The following RPGRIP1 variants were observed in gnomAD, a reference collection of about 807,000 sequenced individuals.
RPGRIP1 encodes the protein RPGR interacting protein 1, also known as X-linked retinitis pigmentosa GTPase regulator-interacting protein 1.
In RPGRIP1, 128 loss-of-function variants were observed where a neutral mutation model predicts 157.9. That is an observed-to-expected ratio of 0.81 (90% CI 0.70 to 0.94). The LOEUF (loss-of-function observed/expected upper bound fraction) is 0.94, where lower values mean the gene tolerates loss of function less well. Ranked by LOEUF, RPGRIP1 falls within the 40% of genes least tolerant of loss-of-function variation. The pLI, the probability that RPGRIP1 is intolerant of heterozygous loss-of-function variation, is 0.00. For missense variants in RPGRIP1, 1,486 were observed against 1,545.8 expected, an observed-to-expected ratio of 0.96 and a Z score of 0.65; for synonymous variants, 554 against 571.6, an observed-to-expected ratio of 0.97 and a Z score of 0.44.
At chr14:21,303,310 A>G (rs774254647) in intron 5 of RPGRIP1, 21 bp from the exon 6 acceptor site, 23 of 1,569,368 alleles carry the variant, frequency 1.5e-5, no homozygotes, top group East Asian at 1.1e-4. Context: ...AACAGTTTCT[A>G]AGTATCCTTT....
rs201152775 is a variant in RPGRIP1, at chr14:21,288,073, G to A, written c.85+12G>A. The stretch of plus-strand genomic sequence containing the variant: ...ACCAGCCTCAAAAGGTAACTTCTAC[G>A]CCTGAGGATGGACACCTTTTAGAAT... On this transcript the variant is annotated intron_variant, in intron 2 of 24. Transcript: ENST00000400017. 142 of 1,556,090 alleles carry A rather than the reference G, an allele frequency of 9.1e-5. No individual in the cohort carries two copies. Among genetic ancestry groups the A allele is most frequent in the African/African-American group, 3.5e-4 (26 of 73,894 alleles).
At position 21,294,814 on chromosome 14, in the gene RPGRIP1, T is replaced by G; in HGVS notation, c.218+5T>G. 1.3e-6 allele frequency: 2 copies of G among 1,482,436 alleles called. No individual in the cohort carries two copies. The allele number at this position is 1,482,436 out of a possible 1,614,324, so 91.8% of individuals were successfully genotyped here. On this transcript the variant is annotated splice_donor_5th_base_variant and intron_variant, in intron 3 of 24. Transcript: ENST00000400017. ...GCAACAGGATGAGATCAAAAGGTAC[T>G]TAGAGTTCTCCTTAAATTTTTTTTT...
At position 21,303,544 on chromosome 14, in the gene RPGRIP1, G is replaced by A. The variant is rs376500610; in HGVS notation, c.800+1G>A. The A allele has an allele frequency of 2.2e-5, 35 of 1,611,518 alleles. No individual in the cohort carries two copies. Among genetic ancestry groups the A allele is most frequent in the Non-Finnish European group, 2.7e-5 (32 of 1,178,232 alleles). ...GTGCTCAGAAGGCTGCAGAGCTTCG[G>A]TAAGAGTGTGGCACTCCATGCCTCA... On this transcript the variant is annotated splice_donor_variant, in intron 6 of 24. Transcript: ENST00000400017. LOFTEE classifies it high-confidence loss of function.
intron 3 of RPGRIP1, among the ~76,000 whole-genome samples, chr14:21,298,884 G>A (rs1010114897): frequency 6.9e-6 from 1 of 145,778 alleles, no homozygotes; most frequent in Non-Finnish European, 1.5e-5. Flanking sequence ...AGGCTCTAGT[G>A]AGCAGAGATC....
intron 2 of RPGRIP1, among the ~76,000 whole-genome samples, chr14:21,289,046 G>A (rs531876082): frequency 6.6e-6 from 1 of 152,194 alleles, no homozygotes; most frequent in Non-Finnish European, 1.5e-5. Context: ...ATATCTTTAG[G>A]GCTGGGCGCA....
chr14:21,312,692 CT>C lies in RPGRIP1; in HGVS notation c.1151+200del, dbSNP rs202128771. 0.047 allele frequency among the ~76,000 whole-genome samples: 6,702 copies of C among 142,710 alleles called. 279 individuals carry two copies. Among genetic ancestry groups the C allele is most frequent in the East Asian group, 0.26 (1,306 of 4,960 alleles). 93.6% of individuals were successfully genotyped at this position (142,710 alleles called of 152,430 possible). ...TTAAAATGTTAAATGTGCATATCCT[CT>C]TTTTTTTTTTTTTGAGATGGAGTCT... On this transcript the variant is annotated intron_variant, in intron 10 of 24. Coordinates refer to ENST00000400017, the MANE Select transcript of RPGRIP1 (RefSeq NM_020366.4).
intron 23 of RPGRIP1, among the ~76,000 whole-genome samples, chr14:21,346,247 A>T (rs1418856196): frequency 9.2e-5 from 14 of 151,846 alleles, no homozygotes; most frequent in African/African-American, 2.9e-4. Context: ...AATGTGGGAC[A>T]TACCCAAAAA....
intron 19 of RPGRIP1, among the ~76,000 whole-genome samples, chr14:21,329,164 A>T (rs1015698332): frequency 6.0e-5 from 9 of 151,070 alleles, no homozygotes; most frequent in Non-Finnish European, 1.2e-4. Context: ...AAAAAAAAAA[A>T]ATTAGCCAGG....
chr14:21,327,446 C>A (rs921807088), intron 17 of RPGRIP1, among the ~76,000 whole-genome samples, 177 bp from the exon 18 acceptor site: 6 of 152,132 alleles, frequency 3.9e-5, no homozygotes, highest in Non-Finnish European at 8.8e-5. Flanking sequence ...TCTAACTGCA[C>A]TGCTGTTTGA....
intron 16 of RPGRIP1, chr14:21,325,623 T>G: frequency 1.6e-6 from 1 of 631,224 alleles, no homozygotes; most frequent in Non-Finnish European, 2.7e-6. Context: ...TCTGTGCCAT[T>G]CTCTAAGTTA....
chr14:21,308,766 C>T (rs1048171607), intron 7 of RPGRIP1, among the ~76,000 whole-genome samples: 1 of 152,114 alleles, frequency 6.6e-6, no homozygotes. Flanking sequence ...ACCTCATGTG[C>T]CGGGAAAAGT....
At position 21,321,255 on chromosome 14, in the gene RPGRIP1, A is replaced by G; in HGVS notation, c.1468-4A>G. The stretch of plus-strand genomic sequence containing the variant: ...CCCTTTTACCAATGCGTTTCCCTCT[A>G]CAGCCAAGTGAACCCAAAAACCAAG... On this transcript the variant is annotated splice_region_variant and splice_polypyrimidine_tract_variant and intron_variant, in intron 12 of 24. Coordinates refer to ENST00000400017, the MANE Select transcript of RPGRIP1 (RefSeq NM_020366.4). 2 of 1,611,528 alleles carry G rather than the reference A, an allele frequency of 1.2e-6. No homozygotes were observed. The highest frequency in any genetic ancestry group is 1.7e-6 in the Non-Finnish European group (2 of 1,179,152).
Position 21,310,586 on chromosome 14 carries a change from A to T in RPGRIP1, c.909A>T (p.Ala303=). 1 of 1,432,648 alleles carries T rather than the reference A, an allele frequency of 7.0e-7. No homozygotes were observed. Among genetic ancestry groups the T allele is most frequent in the Non-Finnish European group, 9.5e-7 (1 of 1,056,444 alleles). The allele number at this position is 1,432,648 out of a possible 1,614,324, so 88.7% of individuals were successfully genotyped here. The part of the protein sequence containing the change: ...TKAQLTEVQE[A]YETLLQKNQG... ...TAATAATAATTTCTTTCTTCCAGGC[A>T]TACGAAACCTTGCTCCAGAAGGTAC... The change falls in exon 8 of 25, where the codon GCA becomes GCT. Residue 303 remains alanine (A), a splice_region_variant and synonymous_variant. Transcript: ENST00000400017.
intron 2 of RPGRIP1, among the ~76,000 whole-genome samples, chr14:21,293,756 A>C (rs1594374407): frequency 6.6e-6 from 1 of 152,202 alleles, no homozygotes; most frequent in South Asian, 2.1e-4. Flanking sequence ...GCTGGCGCCT[A>C]TAGTCCCAGG....
chr14:21,281,405 T>C (rs1190899556), intron 1 of RPGRIP1, among the ~76,000 whole-genome samples: 3 of 151,462 alleles, frequency 2.0e-5, no homozygotes, highest in African/African-American at 7.3e-5. Context: ...AATCTACTCT[T>C]GGCCCAGGCG....
chr14:21,280,383 T>C (rs1212025924), intron 1 of RPGRIP1, among the ~76,000 whole-genome samples: 1 of 151,432 alleles, frequency 6.6e-6, no homozygotes, highest in Non-Finnish European at 1.5e-5. Context: ...AGCTGGGGAC[T>C]ACAGGCATGC....
rs192003551 is a variant in RPGRIP1 at position 21,294,745 on chromosome 14, C to T, written c.154C>T (p.Arg52Ter). 15 of 1,610,394 alleles carry T rather than the reference C, an allele frequency of 9.3e-6. No individual in the cohort carries two copies. The African/African-American group carries it at 9.4e-5, about 10-fold the overall frequency. The change falls in exon 3 of 25, where the codon CGA becomes TGA. Residue 52 changes from arginine (R) to a stop codon, truncating the protein, a stop_gained. Coordinates refer to ENST00000400017, the MANE Select transcript of RPGRIP1 (RefSeq NM_020366.4). LOFTEE classifies it high-confidence loss of function. ...GGAGGAATTGGAGGACAGTTTCTTTCGACTTCGCGAAGATCACATGTTGGT... is the reference window on the plus strand; with the variant it reads ...GGAGGAATTGGAGGACAGTTTCTTTTGACTTCGCGAAGATCACATGTTGGT... ...NREELEDSFF[R>*]LREDHMLVKE...
At chr14:21,300,176 A>G (rs898397868) in intron 3 of RPGRIP1, among the ~76,000 whole-genome samples, 14 of 152,074 alleles carry the variant, frequency 9.2e-5, no homozygotes, top group Non-Finnish European at 1.9e-4. Flanking sequence ...GTGGTGGCGC[A>G]TGCCTGTAAT....
chr14:21,280,603 CA>C (rs1044057849), intron 1 of RPGRIP1, among the ~76,000 whole-genome samples: 3 of 151,634 alleles, frequency 2.0e-5, no homozygotes, highest in Non-Finnish European at 4.4e-5. Context: ...ACAACATTAC[CA>C]AGTCATCTTT....
Sources: allele counts gnomAD v4.1 joint callset (sites outside exome capture counted in the v4.1 genomes callset), GRCh38; gene constraint gnomAD v4.1.1; transcripts MANE v1.5; gene names NCBI Gene and HGNC (gene_info 2026-07-23, HGNC 2026-07-21).